Variants in TFAM observed in about 807,000 individuals in gnomAD.
The protein encoded by TFAM is mitochondrial transcription factor 1.
Under a neutral mutation model 30.6 loss-of-function variants are expected in TFAM, and 13 were observed. The ratio of observed to expected loss-of-function variants is 0.42; its 90% CI spans 0.28 to 0.67. The LOEUF (loss-of-function observed/expected upper bound fraction) is 0.67, where lower values mean the gene tolerates loss of function less well. TFAM is among the 30% of genes least tolerant of loss of function. TFAM has a pLI of 0.21. For synonymous variants in TFAM, 106 were observed against 94.8 expected (o/e 1.12, Z -0.69); for missense variants, 231 against 293.7 (o/e 0.79, Z 1.56).
Position 58,395,212 on chromosome 10 carries a change from G to A in TFAM, c.*138G>A. The A allele has an allele frequency of 1.1e-6, 1 of 895,048 alleles. No individual in the cohort carries two copies. The highest frequency in any genetic ancestry group is 1.8e-6 in the Non-Finnish European group (1 of 569,384). 55.4% of individuals were successfully genotyped at this position (895,048 alleles called of 1,614,324 possible). On this transcript the variant is annotated 3_prime_UTR_variant, in exon 7 of 7. Coordinates refer to ENST00000487519, the MANE Select transcript of TFAM (RefSeq NM_003201.3). ...TTTAGTATCTTTTTATTCAGCTCAT[G>A]GACTTCTGCCAGCATAATACTTGCT...
At chr10:58,390,124 A>C (rs1840563996) in intron 4 of TFAM, among the ~76,000 whole-genome samples, 1 of 152,240 alleles carries the variant, frequency 6.6e-6, no homozygotes, top group African/African-American at 2.4e-5. Flanking sequence ...ATTATAGCCA[A>C]ATTGCTATTA....
chr10:58,386,109 G>A (rs1840484731), intron 1 of TFAM, 111 bp from the exon 2 acceptor site: 1 of 828,262 alleles, frequency 1.2e-6, no homozygotes, highest in East Asian at 2.4e-5. Context: ...TGAAGGCGTT[G>A]GATACATAGT....
intron 2 of TFAM, among the ~76,000 whole-genome samples, chr10:58,387,900 AGCCTGGGTGATG>A (rs1840520318): frequency 6.6e-6 from 1 of 151,940 alleles, no homozygotes; most frequent in Admixed American, 6.6e-5. Context: ...ACCGCACTGC[AGCCTGGGTGATG>A]GCCTGGGTGA....
In TFAM at chr10:58,395,645, ACTGT is replaced by A. The variant is rs543863431; in HGVS notation, c.*574_*577del. Reference sequence around the variant, plus strand: ...TGAGAAATTTATAAACTTTTTTCTTACTGTCTTTTTTCTAAAGTAAAAACAAAGA... The same window carrying A: ...TGAGAAATTTATAAACTTTTTTCTTACTTTTTTCTAAAGTAAAAACAAAGA... On this transcript the variant is annotated 3_prime_UTR_variant, in exon 7 of 7. Transcript: ENST00000487519. 233 of 267,444 alleles carry A rather than the reference ACTGT, an allele frequency of 8.7e-4. 1 individual carries two copies. The highest frequency in any genetic ancestry group is 4.8e-3 in the African/African-American group (220 of 46,130). The allele number at this position is 267,444 out of a possible 1,614,324, so 16.6% of individuals were successfully genotyped here. A position where few individuals can be genotyped will look rare whatever the true frequency, so the allele number is the denominator to read the frequency against.
chr10:58,394,220 T>C (rs1416642112), intron 5 of TFAM, 138 bp from the exon 6 acceptor site: 1 of 703,930 alleles, frequency 1.4e-6, no homozygotes, highest in East Asian at 2.6e-5. Flanking sequence ...TGATAGTTTT[T>C]GTTTAGAGAG....
chr10:58,390,723 G>A lies in TFAM; in HGVS notation c.442-42G>A, dbSNP rs768968344. On this transcript the variant is annotated intron_variant, in intron 4 of 6. Transcript: ENST00000487519. The stretch of plus-strand genomic sequence containing the variant: ...TCTGTAGGTAAAATTAAGTCTCATG[G>A]AGGTTAACACTATTTTTGACCCTCC... 16 of 1,459,440 alleles carry A rather than the reference G, an allele frequency of 1.1e-5. No individual in the cohort carries two copies. In the Admixed American group the frequency reaches 1.5e-4, roughly 14 times the overall value. 90.4% of individuals were successfully genotyped at this position (1,459,440 alleles called of 1,614,324 possible).
At chr10:58,386,710 A>G in intron 2 of TFAM, 1 of 1,123,128 alleles carries the variant, frequency 8.9e-7, no homozygotes, top group Non-Finnish European at 1.1e-6. Flanking sequence ...GGAAGCATCC[A>G]TAAACTGTAA....
At position 58,386,213 on chromosome 10, in the gene TFAM, T is replaced by A. The variant is rs201289210; in HGVS notation, c.102-7T>A. On this transcript the variant is annotated splice_region_variant and splice_polypyrimidine_tract_variant and intron_variant, in intron 1 of 6. Coordinates refer to ENST00000487519, the MANE Select transcript of TFAM (RefSeq NM_003201.3). The stretch of plus-strand genomic sequence containing the variant: ...ACACTGGTTATTTTCTTTTTGTTTA[T>A]ATGTAGTTTTGTGTATTTACCGAGG... The A allele has an allele frequency of 9.1e-4, 1,422 of 1,566,600 alleles. 4 individuals carry two copies. Among genetic ancestry groups the A allele is most frequent in the Non-Finnish European group, 1.2e-3 (1,357 of 1,137,150 alleles).
At chr10:58,388,125 T>G in intron 2 of TFAM, 65 bp from the exon 3 acceptor site, 1 of 1,278,524 alleles carries the variant, frequency 7.8e-7, no homozygotes, top group Non-Finnish European at 1.1e-6. Context: ...TTCCTGGATA[T>G]CTTTAGAAAT....
rs41306558 is a variant in TFAM, at chr10:58,397,023, C to A, written c.*1949C>A. 1,371 of 152,216 alleles carry A rather than the reference C, an allele frequency of 9.0e-3. 12 individuals carry two copies. The highest frequency in any genetic ancestry group is 0.047 in the Middle Eastern group (14 of 296). The allele number at this position is 152,216 out of a possible 1,614,324, so 9.4% of individuals were successfully genotyped here. A position where few individuals can be genotyped will look rare whatever the true frequency, so the allele number is the denominator to read the frequency against. On this transcript the variant is annotated 3_prime_UTR_variant, in exon 7 of 7. Transcript: ENST00000487519. ...GAAAGAGAAGGAGGTGTGCTAGTGT[C>A]TATCACAGGCTTTCTCAATTAGGTT...
chr10:58,389,378 C>T (rs1454946259), intron 4 of TFAM, among the ~76,000 whole-genome samples: 3 of 152,120 alleles, frequency 2.0e-5, no homozygotes, highest in Non-Finnish European at 4.4e-5. Flanking sequence ...TATTAATTCA[C>T]ATAAATGTCA....
chr10:58,385,911 CCT>C (rs1208556824), intron 1 of TFAM, among the ~76,000 whole-genome samples: 1 of 152,190 alleles, frequency 6.6e-6, no homozygotes, highest in Non-Finnish European at 1.5e-5. Context: ...CTTTCCGCCT[CCT>C]CTGCGAATTC....
chr10:58,392,192 T>C (rs1430923917), intron 5 of TFAM, among the ~76,000 whole-genome samples: 2 of 152,202 alleles, frequency 1.3e-5, no homozygotes, highest in Non-Finnish European at 2.9e-5. Flanking sequence ...TAAAGGTGCA[T>C]GGGAGATTAA....
chr10:58,388,213 A>C lies in TFAM; in HGVS notation c.244A>C (p.Arg82=). The C allele has an allele frequency of 6.2e-7, 1 of 1,614,052 alleles. No homozygotes were observed. Among genetic ancestry groups the C allele is most frequent in the Non-Finnish European group, 8.5e-7 (1 of 1,179,960 alleles). Residue 82 remains arginine, a synonymous_variant, in exon 3 of 7, where the codon AGA becomes CGA. Coordinates refer to ENST00000487519, the MANE Select transcript of TFAM (RefSeq NM_003201.3). Reference sequence around the variant, plus strand: ...AGATGCAAAAACTACAGAACTAATTAGAAGAATTGCCCAGCGTTGGAGGGA... The same window carrying C: ...AGATGCAAAAACTACAGAACTAATTCGAAGAATTGCCCAGCGTTGGAGGGA... ...NPDAKTTELI[R]RIAQRWRELP... is the part of the protein sequence containing the mutation.
Position 58,386,237 on chromosome 10 carries a change from G to T in TFAM, c.119G>T (p.Arg40Met). ...ATATGTAGTTTTGTGTATTTACCGA[G>T]GTGGTTTTCATCTGTCTTGGCAAGT... is the stretch of plus-strand genomic sequence containing the variant. ...RSPFSFVYLP[R>M]WFSSVLASCP... Residue 40 changes from arginine to methionine, a missense_variant, in exon 2 of 7, where the codon AGG becomes ATG. Arg to Met is a moderately conservative substitution (Grantham distance 91, BLOSUM62 -1). Transcript: ENST00000487519. 6.2e-7 allele frequency: 1 copy of T among 1,612,488 alleles called. No homozygotes were observed. The highest frequency in any genetic ancestry group is 8.5e-7 in the Non-Finnish European group (1 of 1,178,890).
At chr10:58,394,579 G>C in intron 6 of TFAM, 165 bp downstream of exon 6, 1 of 777,272 alleles carries the variant, frequency 1.3e-6, no homozygotes, top group Non-Finnish European at 2.3e-6. Context: ...TTTTCTCTTG[G>C]TAGTTTTTGT....
chr10:58,385,663 C>T lies in TFAM; in HGVS notation c.101+15C>T. 1 of 1,548,914 alleles carries T rather than the reference C, an allele frequency of 6.5e-7. No homozygotes were observed. The highest frequency in any genetic ancestry group is 8.7e-7 in the Non-Finnish European group (1 of 1,144,716). On this transcript the variant is annotated intron_variant, in intron 1 of 6. Coordinates refer to ENST00000487519, the MANE Select transcript of TFAM (RefSeq NM_003201.3). Reference sequence around the variant, plus strand: ...TCCCCCTTCAGGTAGGCCCGCTTGCCTGTGCCCTAGGGGCAGCAGGGCCCA... The same window carrying T: ...TCCCCCTTCAGGTAGGCCCGCTTGCTTGTGCCCTAGGGGCAGCAGGGCCCA...
In TFAM at chr10:58,388,210, A is replaced by G; in HGVS notation, c.241A>G (p.Ile81Val). The G allele has an allele frequency of 6.2e-7, 1 of 1,614,032 alleles. No homozygotes were observed. The highest frequency in any genetic ancestry group is 8.5e-7 in the Non-Finnish European group (1 of 1,179,964). The change falls in exon 3 of 7, where the codon ATT (isoleucine) becomes GTT (valine). Residue 81 changes from isoleucine to valine, a missense_variant. Physicochemically the swap from Ile to Val is conservative, Grantham distance 29 (BLOSUM62 3). Coordinates refer to ENST00000487519, the MANE Select transcript of TFAM (RefSeq NM_003201.3). ...QNPDAKTTEL[I>V]RRIAQRWREL... Reference sequence around the variant, plus strand: ...CATAGATGCAAAAACTACAGAACTAATTAGAAGAATTGCCCAGCGTTGGAG... The same window carrying G: ...CATAGATGCAAAAACTACAGAACTAGTTAGAAGAATTGCCCAGCGTTGGAG...
chr10:58,389,052 T>G (rs1025137755), intron 4 of TFAM, among the ~76,000 whole-genome samples: 1 of 152,198 alleles, frequency 6.6e-6, no homozygotes, highest in Non-Finnish European at 1.5e-5. Context: ...TGTATCCACA[T>G]TTAAGGTGTA....
Sources: allele counts gnomAD v4.1 joint callset (sites outside exome capture counted in the v4.1 genomes callset), GRCh38; gene constraint gnomAD v4.1.1; transcripts MANE v1.5; gene names NCBI Gene and HGNC (gene_info 2026-07-23, HGNC 2026-07-21).